TBX15: variants seen among roughly 807,000 people sequenced by gnomAD.
TBX15 encodes T-box transcription factor TBX15.
Under a neutral mutation model 53.9 loss-of-function variants are expected in TBX15, and 18 were observed. That is an observed-to-expected ratio of 0.33 (90% CI 0.23 to 0.49). The LOEUF is 0.49. TBX15 is among the 20% of genes least tolerant of loss of function. The pLI is 0.98. For missense variants in TBX15, 692 were observed against 749.5 expected, an observed-to-expected ratio of 0.92 and a Z score of 0.90; for synonymous variants, 295 against 278.0, an observed-to-expected ratio of 1.06 and a Z score of -0.61.
chr1:118,980,547 C>T (rs1657612085), intron 1 of TBX15, among the ~76,000 whole-genome samples: 1 of 152,192 alleles, frequency 6.6e-6, no homozygotes, highest in Non-Finnish European at 1.5e-5. Context: ...GACGTTTTTA[C>T]ATGCATTTCT....
At chr1:118,923,913 A>T (rs1049080824) in intron 4 of TBX15, among the ~76,000 whole-genome samples, 17 of 152,208 alleles carry the variant, frequency 1.1e-4, no homozygotes, top group Non-Finnish European at 2.5e-4. Context: ...AACCTCTGCC[A>T]TGTGACAAGT....
At chr1:118,953,692 G>T (rs866443262) in intron 1 of TBX15, among the ~76,000 whole-genome samples, 5 of 152,150 alleles carry the variant, frequency 3.3e-5, no homozygotes, top group African/African-American at 4.8e-5. Flanking sequence ...ACACAGGATT[G>T]TTCCAAGTTT....
At chr1:118,922,102 TG>T (rs1655444079) in intron 5 of TBX15, among the ~76,000 whole-genome samples, 1 of 152,214 alleles carries the variant, frequency 6.6e-6, no homozygotes, top group Admixed American at 6.5e-5. Flanking sequence ...CCAAAGGGAA[TG>T]TTAAATAAGC....
At chr1:118,926,362 T>C in intron 3 of TBX15, 148 bp downstream of exon 3, 1 of 754,946 alleles carries the variant, frequency 1.3e-6, no homozygotes, top group South Asian at 1.5e-5. Context: ...TTTTTCCACC[T>C]GGTGCTCTGC....
At position 118,923,623 on chromosome 1, in the gene TBX15, T is replaced by G. The variant is rs761725095; in HGVS notation, c.694-20A>C. ...AATGATCTGAAATAAAAAGGGGAAT[T>G]GTACCAGGCTTGGCTTTAAGGAACC... is the stretch of plus-strand genomic sequence containing the variant. On this transcript the variant is annotated intron_variant, in intron 4 of 7. Coordinates refer to ENST00000369429, the MANE Select transcript of TBX15 (RefSeq NM_001330677.2). The G allele has an allele frequency of 6.2e-7, 1 of 1,613,812 alleles. No individual in the cohort carries two copies. The highest frequency in any genetic ancestry group is 1.7e-4 in the Middle Eastern group (1 of 6,058).
At chr1:118,898,872 TGCTTTGGTTATTTACAGA>T (rs1426273924) in intron 7 of TBX15, among the ~76,000 whole-genome samples, 138 bp downstream of exon 7, 1 of 152,192 alleles carries the variant, frequency 6.6e-6, no homozygotes, top group Non-Finnish European at 1.5e-5. Flanking sequence ...CAAGTGGTGA[TGCTTTGGTTATTTACAGA>T]GCTCCTGAGT....
chr1:118,890,196 G>A (rs1180895209), intron 7 of TBX15, among the ~76,000 whole-genome samples: 1 of 152,132 alleles, frequency 6.6e-6, no homozygotes, highest in Non-Finnish European at 1.5e-5. Context: ...TATTCCCAAA[G>A]GCTAACCTAA....
intron 2 of TBX15, among the ~76,000 whole-genome samples, chr1:118,928,796 C>T (rs1426262154): frequency 1.3e-5 from 2 of 152,206 alleles, no homozygotes; most frequent in Non-Finnish European, 2.9e-5. Context: ...AATGGAGAAG[C>T]TACCCATCCC....
intron 3 of TBX15, among the ~76,000 whole-genome samples, chr1:118,925,035 G>A (rs1304574557): frequency 6.6e-6 from 1 of 152,104 alleles, no homozygotes; most frequent in East Asian, 1.9e-4. Flanking sequence ...GATGGAGTGG[G>A]GAGGGCAGAG....
At chr1:118,923,694 A>G (rs576174909) in intron 4 of TBX15, 91 bp from the exon 5 acceptor site, 123 of 1,483,576 alleles carry the variant, frequency 8.3e-5, no homozygotes, top group Admixed American at 6.8e-5. Context: ...TTGAAGCACT[A>G]TAGGAAAAGC....
At chr1:118,895,538 C>T (rs1654394610) in intron 7 of TBX15, among the ~76,000 whole-genome samples, 1 of 152,124 alleles carries the variant, frequency 6.6e-6, no homozygotes, top group Non-Finnish European at 1.5e-5. Flanking sequence ...CTCTTATTTC[C>T]TTTTCCTTCT....
At chr1:118,953,274 C>T (rs1301577506) in intron 1 of TBX15, among the ~76,000 whole-genome samples, 1 of 152,154 alleles carries the variant, frequency 6.6e-6, no homozygotes, top group East Asian at 1.9e-4. Flanking sequence ...ACCCTTATAA[C>T]ACCTGACTTA....
intron 6 of TBX15, among the ~76,000 whole-genome samples, chr1:118,904,019 C>T (rs1365543649): frequency 6.6e-6 from 1 of 152,098 alleles, no homozygotes; most frequent in Non-Finnish European, 1.5e-5. Flanking sequence ...AAAAGTTTTT[C>T]TAGTAGACTT....
At chr1:118,967,345 T>C (rs1422329060) in intron 1 of TBX15, among the ~76,000 whole-genome samples, 2 of 152,196 alleles carry the variant, frequency 1.3e-5, no homozygotes, top group African/African-American at 2.4e-5. Flanking sequence ...AGGACTAAAA[T>C]TGTCAAGATT....
intron 1 of TBX15, among the ~76,000 whole-genome samples, chr1:118,941,514 A>G (rs1347757637): frequency 6.6e-6 from 1 of 152,186 alleles, no homozygotes; most frequent in South Asian, 2.1e-4. Context: ...CCAACTCACC[A>G]TGCAAACATA....
chr1:118,939,432 A>AAAAAAAAAAAAAAAAAAAAAAAAAAAAAG (rs1656087088), intron 1 of TBX15, among the ~76,000 whole-genome samples: 1 of 85,534 alleles, frequency 1.2e-5, no homozygotes, highest in African/African-American at 5.0e-5. Context: ...AAAAAAAAAA[A>AAAAAAAAAAAAAAAAAAAAAAAAAAAAAG]AAAACAAAAA....
intron 5 of TBX15, among the ~76,000 whole-genome samples, chr1:118,918,791 C>T (rs1655330932): frequency 6.6e-6 from 1 of 152,126 alleles, no homozygotes; most frequent in South Asian, 2.1e-4. Context: ...CTTCACAGTG[C>T]ACCAGGCAGA....
At chr1:118,934,262 G>A (rs1219924262) in intron 1 of TBX15, among the ~76,000 whole-genome samples, 3 of 152,160 alleles carry the variant, frequency 2.0e-5, no homozygotes, top group Non-Finnish European at 4.4e-5. Context: ...ATCCTCCCCA[G>A]TGCAAGTGCT....
intron 5 of TBX15, among the ~76,000 whole-genome samples, chr1:118,922,837 T>C (rs1321837562): frequency 2.0e-5 from 3 of 152,192 alleles, no homozygotes; most frequent in African/African-American, 7.2e-5. Context: ...CTGTAACTGA[T>C]CTCAATGAGG....
Sources: gnomAD v4.1 joint callset for allele counts (sites outside exome capture counted in the v4.1 genomes callset) on GRCh38, gnomAD v4.1.1 for gene constraint, MANE v1.5 for transcripts, NCBI Gene and HGNC (gene_info 2026-07-23, HGNC 2026-07-21) for gene names.